Variants in RPL26L1 observed in about 807,000 individuals in gnomAD.
RPL26L1 encodes ribosomal protein L26 like 1.
Under a neutral mutation model 15.2 loss-of-function variants are expected in RPL26L1, and 8 were observed. The ratio of observed to expected loss-of-function variants is 0.53; its 90% confidence interval spans 0.31 to 0.95. The LOEUF is 0.95. Ranked by LOEUF, RPL26L1 falls within the 40% of genes least tolerant of loss-of-function variation. The probability of loss-of-function intolerance (pLI) is 0.05; values close to 1 mark genes in which losing one functional copy is unlikely to be tolerated. For missense variants in RPL26L1, 146 were observed against 190.9 expected (o/e 0.76, Z 1.39); for synonymous variants, 51 against 65.9 (o/e 0.77, Z 1.09).
At chr5:172,959,808 C>T in intron 1 of RPL26L1, 57 bp from the exon 2 acceptor site, 1 of 1,567,568 alleles carries the variant, frequency 6.4e-7, no homozygotes, top group African/African-American at 1.3e-5. Flanking sequence ...GGGTCGAGAA[C>T]AGGCCCCTGT....
At chr5:172,959,515 G>T in intron 1 of RPL26L1, 47 bp downstream of exon 1, 1 of 1,077,162 alleles carries the variant, frequency 9.3e-7, no homozygotes, top group Non-Finnish European at 1.1e-6. Flanking sequence ...CTACCGCCCC[G>T]TGAGACCCTG....
upstream of RPL26L1, chr5:172,958,280 A>G (rs1755052718): frequency 2.5e-6 from 1 of 403,120 alleles, no homozygotes; most frequent in East Asian, 7.2e-5. Context: ...AAAAAAAAAA[A>G]AAAATCTAGT....
chr5:172,954,834 A>G, upstream of RPL26L1: 1 of 407,092 alleles, frequency 2.5e-6, no homozygotes, highest in Non-Finnish European at 5.0e-6. Flanking sequence ...AACTTTTCCA[A>G]TTGTCTAACC....
At chr5:172,955,715 G>C (rs1754952645), upstream of RPL26L1, 1 of 152,218 alleles carries the variant, frequency 6.6e-6, no homozygotes, top group Non-Finnish European at 1.5e-5. Flanking sequence ...TCATTAATAT[G>C]ATTTGGCATT....
At chr5:172,957,484 A>G (rs1755014352), upstream of RPL26L1, 1 of 319,276 alleles carries the variant, frequency 3.1e-6, no homozygotes, top group Non-Finnish European at 6.2e-6. Flanking sequence ...TTTAATCAAG[A>G]CCTGTACCTG....
intron 1 of RPL26L1, 147 bp downstream of exon 1, chr5:172,959,615 C>T: frequency 3.2e-6 from 4 of 1,260,454 alleles, no homozygotes; most frequent in Non-Finnish European, 4.1e-6. Context: ...AGCATTCCTT[C>T]CTCAGCCTCA....
At position 172,968,476 on chromosome 5, in the gene RPL26L1, C is replaced by G. The variant is rs1274948156; in HGVS notation, c.186C>G (p.Tyr62Ter). The stretch of plus-strand genomic sequence containing the variant: ...TCTCTTAGGTAGTTCGAGGACACTA[C>G]AAAGGTCAGCAAATTGGCAAGGTAG... Reference protein sequence around the residue: ...DDEVQVVRGHYKGQQIGKVVQ... With the variant: ...DDEVQVVRGH Residue 62 changes from tyrosine to a stop codon, truncating the protein, a stop_gained, in exon 3 of 4, where the codon TAC becomes TAG. Coordinates refer to ENST00000265100, the MANE Select transcript of RPL26L1 (RefSeq NM_016093.4). LOFTEE classifies it high-confidence loss of function. The G allele has an allele frequency of 6.2e-6, 10 of 1,613,916 alleles. No homozygotes were observed. The highest frequency in any genetic ancestry group is 3.3e-5 in the Admixed American group (2 of 59,982).
Position 172,969,605 on chromosome 5 carries a change from A to G in RPL26L1, c.*64A>G. On this transcript the variant is annotated 3_prime_UTR_variant, in exon 4 of 4. Coordinates refer to ENST00000265100, the MANE Select transcript of RPL26L1 (RefSeq NM_016093.4). Reference sequence around the variant, plus strand: ...TTGAGGCTAGGGTGTGTTTCTTTCGAACTTTTCGGAATGTCTGGAACATTT... The same window carrying G: ...TTGAGGCTAGGGTGTGTTTCTTTCGGACTTTTCGGAATGTCTGGAACATTT... 1.3e-6 allele frequency: 2 copies of G among 1,500,358 alleles called. No homozygotes were observed. Among genetic ancestry groups the G allele is most frequent in the Non-Finnish European group, 1.8e-6 (2 of 1,102,184 alleles). The allele number at this position is 1,500,358 out of a possible 1,614,324, so 92.9% of individuals were successfully genotyped here.
At chr5:172,967,860 C>T (rs1359365492) in intron 2 of RPL26L1, among the ~76,000 whole-genome samples, 4 of 151,316 alleles carry the variant, frequency 2.6e-5, no homozygotes, top group Non-Finnish European at 5.9e-5. Context: ...CATATAAGTA[C>T]ATATGTGTAT....
At chr5:172,966,485 C>G (rs1259161839) in intron 2 of RPL26L1, among the ~76,000 whole-genome samples, 1 of 152,020 alleles carries the variant, frequency 6.6e-6, no homozygotes, top group African/African-American at 2.4e-5. Context: ...CAGTCTTGGC[C>G]AGGTGCAGTG....
intron 2 of RPL26L1, among the ~76,000 whole-genome samples, chr5:172,963,483 T>C (rs534878131): frequency 3.9e-5 from 6 of 152,326 alleles, no homozygotes; most frequent in African/African-American, 1.4e-4. Flanking sequence ...CTCTACACTT[T>C]AACCACACTG....
intron 3 of RPL26L1, among the ~76,000 whole-genome samples, 187 bp downstream of exon 3, chr5:172,968,786 CT>C (rs1441281770): frequency 7.9e-5 from 10 of 127,054 alleles, no homozygotes; most frequent in Non-Finnish European, 3.4e-5. Flanking sequence ...TTTTGCCTTT[CT>C]TGGTGATGGC....
chr5:172,957,585 G>A (rs1271154542), upstream of RPL26L1: 1 of 280,018 alleles, frequency 3.6e-6, no homozygotes, highest in Non-Finnish European at 7.1e-6. Flanking sequence ...ATATGTGATA[G>A]AGAAATGAGT....
chr5:172,959,346 G>T, upstream of RPL26L1: 1 of 1,000,804 alleles, frequency 1.0e-6, no homozygotes. Context: ...ACCCCAAGCC[G>T]CTGGGGGCGC....
rs1369357706 is a variant in RPL26L1 at position 172,969,541 on chromosome 5, A to G, written c.438A>G (p.Ter146=). The change falls in exon 4 of 4, where the codon TAA becomes TAG. Residue 146 remains the stop codon, a stop_retained_variant. Coordinates refer to ENST00000265100, the MANE Select transcript of RPL26L1 (RefSeq NM_016093.4). The stretch of plus-strand genomic sequence containing the variant: ...AACTTATTGAGAAAATGCAGGAATA[A>G]ATAGAACCTGTTGTGCAACCACGGT... The part of the protein sequence containing the change: ...KEELIEKMQE[*] 1 of 1,611,882 alleles carries G rather than the reference A, an allele frequency of 6.2e-7. No homozygotes were observed. Among genetic ancestry groups the G allele is most frequent in the Admixed American group, 1.7e-5 (1 of 59,858 alleles).
intron 3 of RPL26L1, 132 bp from the exon 4 acceptor site, chr5:172,969,281 G>A: frequency 2.3e-6 from 2 of 855,570 alleles, no homozygotes; most frequent in Non-Finnish European, 3.7e-6. Context: ...GTGTTACAGG[G>A]TCTGTTTTCC....
At chr5:172,967,354 A>C (rs1755497520) in intron 2 of RPL26L1, among the ~76,000 whole-genome samples, 1 of 152,040 alleles carries the variant, frequency 6.6e-6, no homozygotes, top group African/African-American at 2.4e-5. Context: ...AATCCCAGCT[A>C]CTTGGGAGGC....
intron 2 of RPL26L1, among the ~76,000 whole-genome samples, chr5:172,966,481 T>C (rs1755456447): frequency 6.6e-6 from 1 of 152,054 alleles, no homozygotes; most frequent in South Asian, 2.1e-4. Context: ...TCTTCAGTCT[T>C]GGCCAGGTGC....
At chr5:172,966,875 G>A (rs1436094806) in intron 2 of RPL26L1, among the ~76,000 whole-genome samples, 1 of 136,884 alleles carries the variant, frequency 7.3e-6, no homozygotes, top group East Asian at 2.3e-4. Flanking sequence ...TTTTTTTTTT[G>A]AGGCGGTGTC....
Sources: allele counts gnomAD v4.1 joint callset (sites outside exome capture counted in the v4.1 genomes callset), GRCh38; gene constraint gnomAD v4.1.1; transcripts MANE v1.5; gene names NCBI Gene and HGNC (gene_info 2026-07-23, HGNC 2026-07-21).